PHF21B: variants seen among roughly 807,000 people sequenced by gnomAD.
PHF21B encodes the protein PHD finger protein 4.
A neutral mutation model predicts 62.2 loss-of-function variants in PHF21B; 22 were observed. The observed-to-expected ratio is 0.35, with a 90% CI of 0.25 to 0.51. The LOEUF (loss-of-function observed/expected upper bound fraction) is 0.51, where lower values mean the gene tolerates loss of function less well. Ranked by LOEUF, PHF21B falls within the 20% of genes least tolerant of loss-of-function variation. The pLI is 0.97. For synonymous variants in PHF21B, 341 were observed against 314.7 expected, an observed-to-expected ratio of 1.08 and a Z score of -0.88; for missense variants, 701 against 707.9, an observed-to-expected ratio of 0.99 and a Z score of 0.11.
At chr22:44,963,136 C>T (rs139498151) in intron 2 of PHF21B, among the ~76,000 whole-genome samples, 2 of 152,248 alleles carry the variant, frequency 1.3e-5, no homozygotes, top group Non-Finnish European at 2.9e-5. Context: ...CAAGGACACT[C>T]TGCAGCTGTG....
At chr22:44,999,803 T>C (rs1052685802) in intron 2 of PHF21B, among the ~76,000 whole-genome samples, 10 of 151,802 alleles carry the variant, frequency 6.6e-5, no homozygotes, top group Admixed American at 5.9e-4. Context: ...CCCCAACCTC[T>C]CTGGGCCGAG....
chr22:45,008,225 A>T (rs1025865546), intron 2 of PHF21B: 1 of 232,398 alleles, frequency 4.3e-6, no homozygotes, highest in Admixed American at 5.7e-5. Context: ...CTCAGCGCAA[A>T]GCGGGGGACT....
chr22:44,975,475 A>G (rs1437157257), intron 2 of PHF21B, among the ~76,000 whole-genome samples: 5 of 152,202 alleles, frequency 3.3e-5, no homozygotes, highest in African/African-American at 1.2e-4. Flanking sequence ...GGTACTGCAC[A>G]TGGAGTCCCC....
At chr22:44,987,630 G>A (rs2072974240) in intron 2 of PHF21B, among the ~76,000 whole-genome samples, 1 of 152,126 alleles carries the variant, frequency 6.6e-6, no homozygotes, top group Admixed American at 6.5e-5. Flanking sequence ...TGACCACCCA[G>A]AGCACTGGCA....
At chr22:44,962,551 G>C (rs1308569584) in intron 2 of PHF21B, among the ~76,000 whole-genome samples, 1 of 152,188 alleles carries the variant, frequency 6.6e-6, no homozygotes, top group Non-Finnish European at 1.5e-5. Flanking sequence ...GTTTTCTACT[G>C]AACGTGTATT....
chr22:44,952,074 G>A (rs987904490), intron 2 of PHF21B, among the ~76,000 whole-genome samples: 2 of 152,208 alleles, frequency 1.3e-5, no homozygotes, highest in African/African-American at 4.8e-5. Context: ...TGGGTACGGT[G>A]GCTCACACCT....
rs147232286 is a variant in PHF21B, at chr22:44,891,564, G to A, written c.961-204C>T. Among the ~76,000 whole-genome samples the A allele has an allele frequency of 1.9e-3, 292 of 152,238 alleles. 1 individual carries two copies. The highest frequency in any genetic ancestry group is 6.4e-3 in the African/African-American group (265 of 41,546). ...GAATGGCTGAGGATGGGGCGGGGCG[G>A]GGCAGGGAAGTCGGCAAAGGCTCTG... On this transcript the variant is annotated intron_variant, in intron 7 of 12. Transcript: ENST00000313237.
chr22:44,950,718 A>G (rs1456026640), intron 2 of PHF21B, among the ~76,000 whole-genome samples: 1 of 152,204 alleles, frequency 6.6e-6, no homozygotes, highest in Non-Finnish European at 1.5e-5. Flanking sequence ...GGCTTGGGGA[A>G]TATGAATCAC....
intron 2 of PHF21B, among the ~76,000 whole-genome samples, chr22:44,943,196 C>CAG (rs1483145280): frequency 6.6e-6 from 1 of 152,148 alleles, no homozygotes; most frequent in East Asian, 1.9e-4. Flanking sequence ...CTCCCCCAAG[C>CAG]CTGGAGAAAA....
chr22:44,952,473 G>A (rs910579026), intron 2 of PHF21B, among the ~76,000 whole-genome samples: 3 of 152,188 alleles, frequency 2.0e-5, no homozygotes, highest in Non-Finnish European at 2.9e-5. Context: ...AAAGGTTCCC[G>A]TCTATCCTGG....
In PHF21B at chr22:44,951,501, G is replaced by A. The variant is rs139243074; in HGVS notation, c.121-31011C>T. Among the ~76,000 whole-genome samples the A allele has an allele frequency of 7.3e-3, 1,106 of 152,294 alleles. 11 individuals are homozygous for A. The highest frequency in any genetic ancestry group is 0.025 in the African/African-American group (1,043 of 41,556). ...ACAGACCAGTACCAGTCCATGGCCC[G>A]GGAGATGGGAATCCCTGCTTTACAT... On this transcript the variant is annotated intron_variant, in intron 2 of 12. Transcript: ENST00000313237.
intron 5 of PHF21B, among the ~76,000 whole-genome samples, chr22:44,896,880 G>GTTTTTTTTTTTTTTGT (rs2071067349): frequency 1.2e-5 from 1 of 84,092 alleles, no homozygotes; most frequent in Non-Finnish European, 2.4e-5. Context: ...AGTTTTATCT[G>GTTTTTTTTTTTTTTGT]TTTTTTTTTT....
At chr22:44,987,821 A>T (rs751645982) in intron 2 of PHF21B, among the ~76,000 whole-genome samples, 1 of 133,728 alleles carries the variant, frequency 7.5e-6, no homozygotes. Flanking sequence ...TCTCTATCTC[A>T]CCCTTCACCC....
At chr22:44,941,686 T>C (rs917089439) in intron 2 of PHF21B, among the ~76,000 whole-genome samples, 3 of 152,174 alleles carry the variant, frequency 2.0e-5, no homozygotes, top group African/African-American at 7.2e-5. Flanking sequence ...TCTGCCTCGA[T>C]GTGGGCTCGG....
chr22:44,945,490 G>A (rs1262462904), intron 2 of PHF21B, among the ~76,000 whole-genome samples: 1 of 152,188 alleles, frequency 6.6e-6, no homozygotes, highest in Admixed American at 6.5e-5. Context: ...GCGCTTGAGT[G>A]CACGGGGCCT....
At chr22:44,922,313 A>T (rs1270999507) in intron 2 of PHF21B, among the ~76,000 whole-genome samples, 1 of 152,170 alleles carries the variant, frequency 6.6e-6, no homozygotes, top group Non-Finnish European at 1.5e-5. Context: ...GAGTTTAGCC[A>T]GGTTGCAGGA....
intron 7 of PHF21B, 106 bp downstream of exon 7, chr22:44,893,351 G>T (rs1015229250): frequency 1.9e-6 from 2 of 1,058,562 alleles, no homozygotes; most frequent in Non-Finnish European, 2.8e-6. Flanking sequence ...GACAGACGAG[G>T]GGGGTGCTTA....
intron 2 of PHF21B, among the ~76,000 whole-genome samples, chr22:44,995,528 TC>T (rs1196843432): frequency 6.6e-6 from 1 of 152,018 alleles, no homozygotes; most frequent in Non-Finnish European, 1.5e-5. Flanking sequence ...GACCAGCTCC[TC>T]CCCTCCCAGG....
intron 2 of PHF21B, among the ~76,000 whole-genome samples, chr22:44,938,272 T>G (rs990875065): frequency 2.0e-5 from 3 of 151,610 alleles, no homozygotes; most frequent in African/African-American, 7.3e-5. Flanking sequence ...CTCACTCTCT[T>G]GCCCAGGCTG....
Sources: allele counts gnomAD v4.1 joint callset (sites outside exome capture counted in the v4.1 genomes callset), GRCh38; gene constraint gnomAD v4.1.1; transcripts MANE v1.5; gene names NCBI Gene and HGNC (gene_info 2026-07-23, HGNC 2026-07-21).